Variants in PSD3 observed in about 807,000 individuals in gnomAD.
PSD3 encodes the protein PH and SEC7 domain-containing protein 3.
In PSD3, 49 loss-of-function variants were observed where a neutral mutation model predicts 105.5. The observed-to-expected ratio is 0.46, with a 90% confidence interval of 0.37 to 0.59. The LOEUF is 0.59. Among genes scored for constraint, PSD3 ranks in the 20% least tolerant of loss-of-function variants. The probability of loss-of-function intolerance (pLI) is 0.00; values close to 1 mark genes in which losing one functional copy is unlikely to be tolerated. For synonymous variants in PSD3, 557 were observed against 457.8 expected, an observed-to-expected ratio of 1.22 and a Z score of -2.77; for missense variants, 1,561 against 1,263.8, an observed-to-expected ratio of 1.24 and a Z score of -3.57.
At chr8:18,841,623 T>A (rs1586192401) in intron 4 of PSD3, among the ~76,000 whole-genome samples, 1 of 152,274 alleles carries the variant, frequency 6.6e-6, no homozygotes, top group African/African-American at 2.4e-5. Context: ...GCTTCTCTGG[T>A]CTGTGCCCAG....
At chr8:18,648,920 G>C (rs942613126) in intron 10 of PSD3, among the ~76,000 whole-genome samples, 9 of 152,362 alleles carry the variant, frequency 5.9e-5, no homozygotes, top group African/African-American at 1.7e-4. Flanking sequence ...TAAGCCTATG[G>C]GTATGCAGAA....
intron 1 of PSD3, among the ~76,000 whole-genome samples, chr8:18,941,661 A>T (rs1318222785): frequency 7.0e-6 from 1 of 142,444 alleles, no homozygotes; most frequent in East Asian, 2.2e-4. Flanking sequence ...CTGATGTAGA[A>T]TGACTTTTTT....
intron 1 of PSD3, among the ~76,000 whole-genome samples, chr8:18,989,889 G>C (rs1825700095): frequency 6.6e-6 from 1 of 152,150 alleles, no homozygotes; most frequent in African/African-American, 2.4e-5. Context: ...GAAGCTTATA[G>C]TCTAGGTGGA....
chr8:18,564,457 C>T (rs2465881), intron 14 of PSD3, among the ~76,000 whole-genome samples: 42,303 of 151,684 alleles, frequency 0.28, 6,033 homozygotes, highest in East Asian at 0.42. Flanking sequence ...GGTGAAACCC[C>T]GTCTCTACTA....
intron 1 of PSD3, among the ~76,000 whole-genome samples, chr8:18,959,201 G>A (rs564399523): frequency 4.6e-5 from 7 of 152,282 alleles, no homozygotes; most frequent in South Asian, 2.1e-4. Flanking sequence ...GATTACGGGC[G>A]TGAGCCACCA....
intron 2 of PSD3, among the ~76,000 whole-genome samples, chr8:18,900,186 C>T (rs1819413349): frequency 6.6e-6 from 1 of 152,118 alleles, no homozygotes; most frequent in South Asian, 2.1e-4. Context: ...GCTGGCATTA[C>T]ATTCTCCAAG....
rs765274681 is a variant in PSD3, at chr8:18,556,189, A to G, written c.2928+20T>C. On this transcript the variant is annotated intron_variant, in intron 15 of 15. Coordinates refer to ENST00000327040, the MANE Select transcript of PSD3 (RefSeq NM_015310.4). ...GAAAACTCAGAAATCAGCATTTACTAACATTTGGGTGCAACACACCTCAAA... is the reference window on the plus strand; with the variant it reads ...GAAAACTCAGAAATCAGCATTTACTGACATTTGGGTGCAACACACCTCAAA... 5 of 1,611,426 alleles carry G rather than the reference A, an allele frequency of 3.1e-6. No individual in the cohort carries two copies. The East Asian group carries it at 1.1e-4, about 36-fold the overall frequency.
At chr8:18,988,149 T>C (rs1290652612) in intron 1 of PSD3, among the ~76,000 whole-genome samples, 3 of 151,526 alleles carry the variant, frequency 2.0e-5, no homozygotes, top group Non-Finnish European at 4.4e-5. Flanking sequence ...GTTAGGTGTA[T>C]AAAGGAGACC....
chr8:18,630,671 T>TC (rs1162690482), intron 11 of PSD3, among the ~76,000 whole-genome samples: 1 of 151,838 alleles, frequency 6.6e-6, no homozygotes, highest in Admixed American at 6.6e-5. Flanking sequence ...CTTTTTTTTT[T>TC]CTCTAGTACT....
intron 11 of PSD3, among the ~76,000 whole-genome samples, chr8:18,619,781 G>A (rs1285209955): frequency 6.6e-6 from 1 of 152,134 alleles, no homozygotes; most frequent in Admixed American, 6.5e-5. Flanking sequence ...CTCTGGTATA[G>A]CATCACATGA....
At chr8:18,596,477 T>G (rs1422566153) in intron 12 of PSD3, among the ~76,000 whole-genome samples, 3 of 149,656 alleles carry the variant, frequency 2.0e-5, no homozygotes, top group Non-Finnish European at 4.5e-5. Context: ...AATAGAGAAA[T>G]GAAAATCTAA....
At chr8:18,536,888 A>G (rs753671695) in intron 15 of PSD3, among the ~76,000 whole-genome samples, 17 of 152,218 alleles carry the variant, frequency 1.1e-4, no homozygotes, top group Non-Finnish European at 2.1e-4. Context: ...GCCTCAACGC[A>G]TGAAGAATTT....
At chr8:19,078,440 A>G (rs1353332008) in intron 1 of PSD3, among the ~76,000 whole-genome samples, 3 of 152,262 alleles carry the variant, frequency 2.0e-5, no homozygotes, top group South Asian at 2.1e-4. Context: ...GTTAAATTGG[A>G]GAGAGCTCAG....
chr8:18,836,265 T>C lies in PSD3; in HGVS notation c.1635-31367A>G, dbSNP rs1814100245. Among the ~76,000 whole-genome samples, 5 of 152,144 alleles carry C rather than the reference T, an allele frequency of 3.3e-5. No individual in the cohort carries two copies. In the South Asian group the frequency reaches 1.0e-3, roughly 31 times the overall value. ...ACACATAAAATAAAAATATAATTATTAAAAAGCAAACATGCTCAGGTGTTC... is the reference window on the plus strand; with the variant it reads ...ACACATAAAATAAAAATATAATTATCAAAAAGCAAACATGCTCAGGTGTTC... On this transcript the variant is annotated intron_variant, in intron 4 of 15. Transcript: ENST00000327040.
chr8:19,065,362 C>T lies in PSD3; in HGVS notation c.324+18844G>A, dbSNP rs568416074. ...TCTGCGGTGGACATCAGCTGGGTGT[C>T]CTCCAATTAAATTCTGATACTATCT... On this transcript the variant is annotated intron_variant, in intron 1 of 1. Coordinates refer to the PSD3 transcript ENST00000521475. Among the ~76,000 whole-genome samples the T allele has an allele frequency of 1.1e-3, 167 of 152,212 alleles. 1 individual carries two copies. The highest frequency in any genetic ancestry group is 3.8e-3 in the African/African-American group (156 of 41,544).
intron 2 of PSD3, among the ~76,000 whole-genome samples, chr8:18,892,006 C>T (rs1432292065): frequency 6.6e-6 from 1 of 152,120 alleles, no homozygotes; most frequent in Non-Finnish European, 1.5e-5. Flanking sequence ...AGAAGCAACC[C>T]TCAGACCAAA....
At chr8:18,804,946 C>A in intron 4 of PSD3, 48 bp from the exon 5 acceptor site, 1 of 1,416,524 alleles carries the variant, frequency 7.1e-7, no homozygotes, top group Non-Finnish European at 9.7e-7. Context: ...TCTTATATGG[C>A]AAAAAGGAAA....
At chr8:18,707,237 G>A (rs888978130) in intron 9 of PSD3, among the ~76,000 whole-genome samples, 7 of 151,972 alleles carry the variant, frequency 4.6e-5, no homozygotes, top group Non-Finnish European at 7.4e-5. Context: ...AAACCTACCC[G>A]ACAATTCACA....
intron 11 of PSD3, among the ~76,000 whole-genome samples, chr8:18,602,915 A>C (rs111866455): frequency 1.3e-5 from 2 of 152,210 alleles, no homozygotes; most frequent in African/African-American, 4.8e-5. Flanking sequence ...AAGTGATTTC[A>C]CAGCACGTGT....
Sources: gnomAD v4.1 joint callset for allele counts (sites outside exome capture counted in the v4.1 genomes callset) on GRCh38, gnomAD v4.1.1 for gene constraint, MANE v1.5 for transcripts, NCBI Gene and HGNC (gene_info 2026-07-23, HGNC 2026-07-21) for gene names.